Variants in DIP2A observed in about 807,000 individuals in gnomAD.
DIP2A encodes disco-interacting protein 2 homolog A.
Under a neutral mutation model 177.4 loss-of-function variants are expected in DIP2A, and 85 were observed. That is an observed-to-expected ratio of 0.48 (90% CI 0.40 to 0.57). The LOEUF is 0.57. Among genes scored for constraint, DIP2A ranks in the 20% least tolerant of loss-of-function variants. The pLI, the probability that DIP2A is intolerant of heterozygous loss-of-function variation, is 0.00. For missense variants in DIP2A, 1,791 were observed against 2,100.2 expected, an observed-to-expected ratio of 0.85 and a Z score of 2.88; for synonymous variants, 886 against 881.8, an observed-to-expected ratio of 1.00 and a Z score of -0.08.
At chr21:46,566,906 C>T (rs1385148047) in intron 37 of DIP2A, among the ~76,000 whole-genome samples, 4 of 152,260 alleles carry the variant, frequency 2.6e-5, no homozygotes, top group Non-Finnish European at 4.4e-5. Flanking sequence ...GGTTCTCCCT[C>T]TGGATGTACT....
chr21:46,554,185 C>A lies in DIP2A; in HGVS notation c.3047C>A (p.Thr1016Asn). The A allele has an allele frequency of 6.2e-7, 1 of 1,613,888 alleles. No individual in the cohort carries two copies. The highest frequency in any genetic ancestry group is 8.5e-7 in the Non-Finnish European group (1 of 1,179,800). Residue 1016 changes from threonine to asparagine, a missense_variant, in exon 26 of 38, where the codon ACT (threonine) becomes AAT (asparagine). Transcript: ENST00000417564. ...LLNAKGTVTS[T>N]ATCVQLHKRA... is the part of the protein sequence containing the mutation. ...CTTTCCTAGGGCACCGTCACAAGCA[C>A]TGCAACCTGTGTCCAGCTGCACAAA...
chr21:46,544,784 G>A (rs562401550), intron 18 of DIP2A, among the ~76,000 whole-genome samples: 1 of 152,116 alleles, frequency 6.6e-6, no homozygotes, highest in Non-Finnish European at 1.5e-5. Flanking sequence ...TGATGGTCAG[G>A]AGCCAGGGCC....
chr21:46,572,779 A>G (rs548479456), downstream of DIP2A, among the ~76,000 whole-genome samples: 1 of 152,342 alleles, frequency 6.6e-6, no homozygotes, highest in Non-Finnish European at 1.5e-5. Flanking sequence ...GTTATAAGCA[A>G]CATACAATGG....
intron 35 of DIP2A, among the ~76,000 whole-genome samples, chr21:46,564,550 G>A (rs1227100682): frequency 6.6e-6 from 1 of 152,178 alleles, no homozygotes; most frequent in Non-Finnish European, 1.5e-5. Flanking sequence ...GTGCAGTCCC[G>A]AATGTGCAGA....
At chr21:46,555,945 G>C (rs2060453134) in intron 28 of DIP2A, 37 bp from the exon 29 acceptor site, 5 of 1,476,536 alleles carry the variant, frequency 3.4e-6, no homozygotes, top group Non-Finnish European at 4.7e-6. Flanking sequence ...GAATACATGT[G>C]GGAACACTAA....
chr21:46,576,117 C>T, the DIP2A span, among the ~76,000 whole-genome samples: 36 of 152,222 alleles, frequency 2.4e-4, 1 homozygote, highest in East Asian at 3.9e-3. Context: ...AAGTGACCCC[C>T]GATGGCAATT....
chr21:46,473,180 T>G (rs2055544529), intron 1 of DIP2A, among the ~76,000 whole-genome samples: 1 of 152,172 alleles, frequency 6.6e-6, no homozygotes, highest in Non-Finnish European at 1.5e-5. Context: ...TGAAAATATG[T>G]GTACACATTC....
intron 1 of DIP2A, among the ~76,000 whole-genome samples, chr21:46,471,421 A>G (rs2055370705): frequency 6.6e-6 from 1 of 152,204 alleles, no homozygotes; most frequent in Non-Finnish European, 1.5e-5. Flanking sequence ...CCACCCTTAT[A>G]CGTGTACAGC....
At chr21:46,550,386 C>A (rs1308018465) in intron 22 of DIP2A, among the ~76,000 whole-genome samples, 157 bp from the exon 23 acceptor site, 1 of 152,190 alleles carries the variant, frequency 6.6e-6, no homozygotes, top group Non-Finnish European at 1.5e-5. Context: ...GCACACACTT[C>A]TCTTCATCTT....
the DIP2A span, among the ~76,000 whole-genome samples, chr21:46,580,272 G>GT: frequency 6.6e-6 from 1 of 151,878 alleles, no homozygotes; most frequent in African/African-American, 2.4e-5. Flanking sequence ...TGCAACCCTT[G>GT]TTTTTTTCTG....
chr21:46,493,203 G>A (rs1299814813), intron 3 of DIP2A, among the ~76,000 whole-genome samples: 1 of 152,232 alleles, frequency 6.6e-6, no homozygotes, highest in African/African-American at 2.4e-5. Flanking sequence ...TATGATGCAC[G>A]TGGGCTGGTT....
At position 46,459,032 on chromosome 21, in the gene DIP2A, A is replaced by G. The variant is rs888262589; in HGVS notation, c.-100A>G. Reference sequence around the variant, plus strand: ...CTCCCGCTCCTCGCCTGGCGGATGTAGGTTGTTGGCCTGAGGGGAGCTACG... The same window carrying G: ...CTCCCGCTCCTCGCCTGGCGGATGTGGGTTGTTGGCCTGAGGGGAGCTACG... On this transcript the variant is annotated 5_prime_UTR_variant, in exon 1 of 38. An upstream open reading frame in the 5' UTR loses its in-frame stop. Transcript: ENST00000417564. 46 of 940,004 alleles carry G rather than the reference A, an allele frequency of 4.9e-5. No individual in the cohort carries two copies. The African/African-American group carries it at 6.5e-4, about 13-fold the overall frequency. 58.2% of individuals were successfully genotyped at this position (940,004 alleles called of 1,614,324 possible).
In DIP2A at chr21:46,536,769, C is replaced by T. The variant is rs181567921; in HGVS notation, c.1643-455C>T. Among the ~76,000 whole-genome samples, 141 of 152,036 alleles carry T rather than the reference C, an allele frequency of 9.3e-4. 1 individual carries two copies. The highest frequency in any genetic ancestry group is 3.2e-3 in the African/African-American group (131 of 41,484). ...AAATACAAAAATTAGCCAGGCATGG[C>T]AGCGCATGCCTGTAGTCCCAGCTAC... On this transcript the variant is annotated intron_variant, in intron 13 of 37. Transcript: ENST00000417564.
In DIP2A at chr21:46,563,569, A is replaced by T. The variant is rs920508057; in HGVS notation, c.4090-289A>T. On this transcript the variant is annotated intron_variant, in intron 34 of 37. Coordinates refer to ENST00000417564, the MANE Select transcript of DIP2A (RefSeq NM_015151.4). This position sits in a 1 kb window ranked among gnomAD's most constrained non-coding sequence, Gnocchi z 4.3. ...ATGGATGCCCATCAGGTGCGCTGGC[A>T]TCACCTGGCTGATTGTCTTTGTAGG... is the stretch of plus-strand genomic sequence containing the variant. The T allele has an allele frequency of 5.1e-6, 2 of 392,552 alleles. No individual in the cohort carries two copies. Among genetic ancestry groups the T allele is most frequent in the Non-Finnish European group, 9.4e-6 (2 of 212,666 alleles). 24.3% of individuals were successfully genotyped at this position (392,552 alleles called of 1,614,324 possible). A position where few individuals can be genotyped will look rare whatever the true frequency, so the allele number is the denominator to read the frequency against.
At chr21:46,461,039 GC>G (rs1459540109) in intron 1 of DIP2A, among the ~76,000 whole-genome samples, 1 of 151,580 alleles carries the variant, frequency 6.6e-6, no homozygotes, top group Non-Finnish European at 1.5e-5. Context: ...GTACACAGTG[GC>G]TCATGCTTGT....
Position 46,566,655 on chromosome 21 carries a change from A to T in DIP2A, c.4435A>T (p.Ile1479Phe). The change falls in exon 37 of 38, where the codon ATC (isoleucine) becomes TTC (phenylalanine). Residue 1479 changes from isoleucine (I) to phenylalanine (F), a missense_variant. Transcript: ENST00000417564. ...YHPIDIETSV[I>F]RAHRSIAECA... is the part of the protein sequence containing the mutation. ...CCCCATCGACATTGAGACCTCTGTC[A>T]TCCGAGCACACAGGAGCATCGCTGA... The T allele has an allele frequency of 6.2e-7, 1 of 1,614,240 alleles. No homozygotes were observed. Among genetic ancestry groups the T allele is most frequent in the Non-Finnish European group, 8.5e-7 (1 of 1,180,030 alleles).
rs1441035131 is a variant in DIP2A, at chr21:46,533,552, T to A, written c.1334T>A (p.Leu445Gln). ...KDAGSQQVGFLLGSCGVFLAL... is the reference protein window; with the variant it reads ...KDAGSQQVGFQLGSCGVFLAL... ...GCAGGCAGCCAGCAGGTTGGGTTTCTGCTGGGCAGCTGTGGAGTCTTCTTG... is the reference window on the plus strand; with the variant it reads ...GCAGGCAGCCAGCAGGTTGGGTTTCAGCTGGGCAGCTGTGGAGTCTTCTTG... The change falls in exon 11 of 38, where the codon CTG becomes CAG. Residue 445 changes from leucine (L) to glutamine (Q), a missense_variant. Coordinates refer to ENST00000417564, the MANE Select transcript of DIP2A (RefSeq NM_015151.4). 6.2e-7 allele frequency: 1 copy of A among 1,613,968 alleles called. No individual in the cohort carries two copies. The highest frequency in any genetic ancestry group is 1.7e-5 in the Admixed American group (1 of 60,018).
rs752628688 is a variant in DIP2A at position 46,514,617 on chromosome 21, C to CTTTTTTTTTTTTTTTT, written c.1102+3011_1102+3026dup. On this transcript the variant is annotated intron_variant, in intron 8 of 37. Transcript: ENST00000417564. ...CCTTTCCAATACTTAAACTTTTATT[C>CTTTTTTTTTTTTTTTT]TTTTTTTTTTTTTTTTTTTTTTTGG... Among the ~76,000 whole-genome samples, 116 of 70,428 alleles carry CTTTTTTTTTTTTTTTT rather than the reference C, an allele frequency of 1.6e-3. 2 individuals carry two copies. The highest frequency in any genetic ancestry group is 5.1e-3 in the East Asian group (10 of 1,952). 46.2% of individuals were successfully genotyped at this position (70,428 alleles called of 152,430 possible). A position where few individuals can be genotyped will look rare whatever the true frequency, so the allele number is the denominator to read the frequency against.
intron 17 of DIP2A, among the ~76,000 whole-genome samples, chr21:46,541,396 T>C (rs1016520005): frequency 6.6e-6 from 1 of 152,172 alleles, no homozygotes; most frequent in Non-Finnish European, 1.5e-5. Flanking sequence ...TGGGCTTCCT[T>C]GCAGTGCAGT....
Sources: allele counts gnomAD v4.1 joint callset (sites outside exome capture counted in the v4.1 genomes callset), GRCh38; gene constraint gnomAD v4.1.1; non-coding constraint Gnocchi (gnomAD v3.1); transcripts MANE v1.5; gene names NCBI Gene and HGNC (gene_info 2026-07-23, HGNC 2026-07-21).